The following DOCK1 variants were observed in gnomAD, a reference collection of about 807,000 sequenced individuals.
DOCK1 encodes dedicator of cytokinesis 1, also known as dedicator of cytokinesis protein 1.
A neutral mutation model predicts 262.7 loss-of-function variants in DOCK1; 138 were observed. The observed-to-expected ratio is 0.53, with a 90% confidence interval of 0.46 to 0.61. The LOEUF is 0.61. DOCK1 is among the 20% of genes least tolerant of loss of function. The pLI is 0.00. For missense variants in DOCK1, 1,908 were observed against 2,370.7 expected, an observed-to-expected ratio of 0.80 and a Z score of 4.05; for synonymous variants, 866 against 867.4, an observed-to-expected ratio of 1.00 and a Z score of 0.03.
rs761082078 is a variant in DOCK1, at chr10:126,970,648, A to T, written c.47-54A>T. The T allele has an allele frequency of 5.5e-5, 78 of 1,413,246 alleles. 1 individual carries two copies. Among genetic ancestry groups the T allele is most frequent in the Non-Finnish European group, 7.6e-5 (76 of 1,004,276 alleles). The allele number at this position is 1,413,246 out of a possible 1,614,324, so 87.5% of individuals were successfully genotyped here. Reference sequence around the variant, plus strand: ...TTAAAACAAGCCAACACGACTCAGCATGGTCACTTCTATCTTTACTATTAC... The same window carrying T: ...TTAAAACAAGCCAACACGACTCAGCTTGGTCACTTCTATCTTTACTATTAC... On this transcript the variant is annotated intron_variant, in intron 1 of 51. Transcript: ENST00000623213.
chr10:127,337,471 G>A (rs2063250991), intron 29 of DOCK1, among the ~76,000 whole-genome samples: 1 of 152,110 alleles, frequency 6.6e-6, no homozygotes, highest in African/African-American at 2.4e-5. Context: ...TAAATGTCCT[G>A]TATTCCGCTT....
intron 29 of DOCK1, among the ~76,000 whole-genome samples, chr10:127,301,870 C>T (rs184808056): frequency 1.2e-4 from 18 of 150,562 alleles, no homozygotes; most frequent in African/African-American, 4.4e-4. Context: ...CACTTGAACC[C>T]AGGAGGTGGA....
At chr10:127,036,263 G>C (rs2043608234) in intron 18 of DOCK1, among the ~76,000 whole-genome samples, 1 of 152,164 alleles carries the variant, frequency 6.6e-6, no homozygotes, top group South Asian at 2.1e-4. Context: ...TGGTGGTTAG[G>C]CCCACACTTG....
At chr10:127,146,040 C>T (rs760792735) in intron 27 of DOCK1, 2 of 518,538 alleles carry the variant, frequency 3.9e-6, no homozygotes, top group East Asian at 1.1e-4. Flanking sequence ...TCATACGACC[C>T]AGCCCTAGAC....
chr10:127,059,504 TGTTTA>T (rs993696300), intron 22 of DOCK1, among the ~76,000 whole-genome samples: 12 of 152,196 alleles, frequency 7.9e-5, no homozygotes, highest in African/African-American at 2.9e-4. Flanking sequence ...TCAGTACTTC[TGTTTA>T]GTTATTTTCT....
At chr10:127,353,464 G>C (rs1239371345) in intron 31 of DOCK1, among the ~76,000 whole-genome samples, 2 of 152,164 alleles carry the variant, frequency 1.3e-5, no homozygotes, top group African/African-American at 2.4e-5. Flanking sequence ...CAGTAGCTTT[G>C]CTGCCTGCGT....
chr10:127,352,365 T>C (rs2063927092), intron 31 of DOCK1, among the ~76,000 whole-genome samples: 1 of 151,686 alleles, frequency 6.6e-6, no homozygotes, highest in South Asian at 2.1e-4. Flanking sequence ...GCACCTGGCC[T>C]CCCAAATCCA....
intron 38 of DOCK1, among the ~76,000 whole-genome samples, chr10:127,386,048 C>T (rs1443003553): frequency 1.3e-5 from 2 of 152,170 alleles, no homozygotes; most frequent in East Asian, 3.8e-4. Context: ...TGTACTGATG[C>T]CCGGGAGTGA....
At chr10:127,409,490 A>G (rs2067718725) in intron 42 of DOCK1, 99 bp downstream of exon 42, 13 of 1,291,946 alleles carry the variant, frequency 1.0e-5, no homozygotes, top group African/African-American at 1.5e-5. Flanking sequence ...GACTTTGGCC[A>G]TGGATTCGCT....
chr10:127,013,106 T>G (rs571777758), intron 12 of DOCK1, among the ~76,000 whole-genome samples: 4 of 152,338 alleles, frequency 2.6e-5, no homozygotes, highest in African/African-American at 9.6e-5. Flanking sequence ...CTTGATTCAT[T>G]TCCACTGTTC....
intron 27 of DOCK1, among the ~76,000 whole-genome samples, chr10:127,202,063 C>G (rs2057485422): frequency 6.6e-6 from 1 of 152,096 alleles, no homozygotes; most frequent in South Asian, 2.1e-4. Context: ...TGGCTTATGC[C>G]TGTAATCCGA....
rs906262561 is a variant in DOCK1, at chr10:126,932,709, C to T, written c.46+27146C>T. On this transcript the variant is annotated intron_variant, in intron 1 of 51. Coordinates refer to ENST00000623213, the MANE Select transcript of DOCK1 (RefSeq NM_001290223.2). ...GGGGTGGACCGTCGCTGAAGTACCA[C>T]GGCCCTCACTGGTAGAGGTGGGCGC... 4.3e-3 allele frequency among the ~76,000 whole-genome samples: 660 copies of T among 152,228 alleles called. 5 individuals are homozygous for T. The highest frequency in any genetic ancestry group is 0.012 in the African/African-American group (496 of 41,550).
chr10:126,921,268 A>G (rs1327480025), intron 1 of DOCK1, among the ~76,000 whole-genome samples: 3 of 152,176 alleles, frequency 2.0e-5, no homozygotes, highest in Admixed American at 2.0e-4. Context: ...ATTAGTCACA[A>G]TACTTAAAAG....
chr10:127,219,638 T>G (rs2058347387), intron 27 of DOCK1, among the ~76,000 whole-genome samples: 2 of 152,162 alleles, frequency 1.3e-5, no homozygotes, highest in Admixed American at 1.3e-4. Flanking sequence ...AACACCCCAT[T>G]TCTCCCTCCT....
intron 46 of DOCK1, among the ~76,000 whole-genome samples, chr10:127,421,597 C>T (rs1477258325): frequency 6.6e-6 from 1 of 152,166 alleles, no homozygotes; most frequent in Non-Finnish European, 1.5e-5. Context: ...TGCAAATCTC[C>T]AACTCTCTAC....
chr10:127,308,077 T>C (rs1409898028), intron 29 of DOCK1, among the ~76,000 whole-genome samples: 1 of 152,234 alleles, frequency 6.6e-6, no homozygotes, highest in African/African-American at 2.4e-5. Flanking sequence ...GCAGCACCAT[T>C]GGCTGCATCT....
chr10:126,949,552 C>G (rs1015031752), intron 1 of DOCK1, among the ~76,000 whole-genome samples: 1 of 152,080 alleles, frequency 6.6e-6, no homozygotes, highest in Admixed American at 6.6e-5. Context: ...AATTTCAGAG[C>G]AGCAAGGGCA....
intron 12 of DOCK1, among the ~76,000 whole-genome samples, chr10:127,017,272 T>C (rs1376810717): frequency 3.2e-5 from 3 of 94,596 alleles, no homozygotes; most frequent in African/African-American, 1.3e-4. Context: ...GATATACATA[T>C]AGACACACAC....
In DOCK1 at chr10:126,928,965, G is replaced by A. The variant is rs1002182478; in HGVS notation, c.46+23402G>A. ...ATCAGGTCACTTTCAGAGGCTTGGC[G>A]GGAGGCCTTTAATCTCTTGGGCATT... On this transcript the variant is annotated intron_variant, in intron 1 of 51. Coordinates refer to ENST00000623213, the MANE Select transcript of DOCK1 (RefSeq NM_001290223.2). Among the ~76,000 whole-genome samples the A allele has an allele frequency of 5.8e-4, 89 of 152,324 alleles. 1 individual carries two copies. The East Asian group carries it at 0.012, about 21-fold the overall frequency.
Sources: allele counts gnomAD v4.1 joint callset (sites outside exome capture counted in the v4.1 genomes callset), GRCh38; gene constraint gnomAD v4.1.1; transcripts MANE v1.5; gene names NCBI Gene and HGNC (gene_info 2026-07-23, HGNC 2026-07-21).